Variants in FGF12 observed in about 807,000 individuals in gnomAD.
FGF12 encodes the protein fibroblast growth factor 12, also known as fibroblast growth factor 12B.
In FGF12, 14 loss-of-function variants were observed where a neutral mutation model predicts 23.6. That is an observed-to-expected ratio of 0.59 (90% confidence interval 0.39 to 0.93). The LOEUF is 0.93. Ranked by LOEUF, FGF12 falls within the 40% of genes least tolerant of loss-of-function variation. FGF12 has a pLI of 0.00. For missense variants in FGF12, 175 were observed against 217.8 expected (o/e 0.80, Z 1.24); for synonymous variants, 62 against 77.3 (o/e 0.80, Z 1.04).
At chr3:192,672,643 G>A (rs1385040662) in intron 2 of FGF12, among the ~76,000 whole-genome samples, 2 of 151,090 alleles carry the variant, frequency 1.3e-5, no homozygotes, top group Admixed American at 6.6e-5. Context: ...GAGCACAAGA[G>A]TAGACTGTGT....
chr3:192,591,236 T>A (rs911439524), intron 2 of FGF12, among the ~76,000 whole-genome samples: 1 of 150,938 alleles, frequency 6.6e-6, no homozygotes, highest in Non-Finnish European at 1.5e-5. Flanking sequence ...TCTACTTGAG[T>A]GCTCCTGGGG....
intron 3 of FGF12, among the ~76,000 whole-genome samples, chr3:192,348,955 A>G (rs80334702): frequency 0.024 from 3,722 of 152,228 alleles, 152 homozygotes; most frequent in African/African-American, 0.083. Flanking sequence ...CTATTATCTG[A>G]TATGTCCCCA....
In FGF12 at chr3:192,469,336, T is replaced by TAAGGG. The variant is rs1428948053; in HGVS notation, c.14-108799_14-108798insCCCTT. Among the ~76,000 whole-genome samples, 3 of 152,368 alleles carry TAAGGG rather than the reference T, an allele frequency of 2.0e-5. No homozygotes were observed. In the East Asian group the frequency reaches 5.8e-4, roughly 29 times the overall value. On this transcript the variant is annotated intron_variant, in intron 2 of 5. Coordinates refer to ENST00000445105, the MANE Select transcript of FGF12 (RefSeq NM_004113.6). The stretch of plus-strand genomic sequence containing the variant: ...ATCTAGGAAATAAATGTACATTTGC[T>TAAGGG]AACACCTGCATGTACACACCTGTAT...
chr3:192,199,627 T>C (rs1717257301), intron 4 of FGF12, among the ~76,000 whole-genome samples: 2 of 152,216 alleles, frequency 1.3e-5, no homozygotes, highest in African/African-American at 4.8e-5. Flanking sequence ...TAAAGGATAA[T>C]TATTTGGCCA....
chr3:192,704,190 C>A (rs188896889), intron 2 of FGF12, among the ~76,000 whole-genome samples: 1 of 152,122 alleles, frequency 6.6e-6, no homozygotes, highest in African/African-American at 2.4e-5. Flanking sequence ...AGCAAGTAAG[C>A]CTTATGAAAT....
At chr3:192,362,237 CTCTT>C (rs1422220497) in intron 2 of FGF12, among the ~76,000 whole-genome samples, 1 of 152,034 alleles carries the variant, frequency 6.6e-6, no homozygotes, top group African/African-American at 2.4e-5. Flanking sequence ...AAACAACTCT[CTCTT>C]TTTTTTAAAA....
chr3:192,374,793 A>G (rs774797407), intron 2 of FGF12, among the ~76,000 whole-genome samples: 1 of 152,210 alleles, frequency 6.6e-6, no homozygotes, highest in South Asian at 2.1e-4. Context: ...ATTTGAGCGC[A>G]GGCAGCCTGG....
intron 2 of FGF12, among the ~76,000 whole-genome samples, chr3:192,657,645 T>C (rs965848236): frequency 1.2e-4 from 19 of 152,182 alleles, no homozygotes; most frequent in African/African-American, 4.6e-4. Context: ...TTCGGACTCA[T>C]GTGGTCTTAA....
chr3:192,269,686 G>GAAA (rs1355427808), intron 4 of FGF12, among the ~76,000 whole-genome samples: 6 of 152,180 alleles, frequency 3.9e-5, no homozygotes, highest in Admixed American at 3.9e-4. Context: ...TGCAGTTGCA[G>GAAA]AGTCTACCCA....
chr3:192,331,471 T>C (rs565836901), intron 4 of FGF12, among the ~76,000 whole-genome samples: 1 of 152,156 alleles, frequency 6.6e-6, no homozygotes, highest in East Asian at 1.9e-4. Flanking sequence ...ATAAACAGAA[T>C]GCAGAATGCG....
intron 2 of FGF12, among the ~76,000 whole-genome samples, chr3:192,531,429 A>C (rs887529902): frequency 6.6e-6 from 1 of 152,194 alleles, no homozygotes; most frequent in Non-Finnish European, 1.5e-5. Context: ...AAAAAGAAAA[A>C]AGAAAGAAAG....
Position 192,314,849 on chromosome 3 carries a change from T to C in FGF12, c.228+20512A>G, listed in dbSNP as rs74618098. On this transcript the variant is annotated intron_variant, in intron 4 of 5. Transcript: ENST00000445105. ...ACCCACTGAGTTACATGTAGAATTA[T>C]GTGGAAGGCATGTGTAAGGTGACTG... Among the ~76,000 whole-genome samples, 220 of 152,314 alleles carry C rather than the reference T, an allele frequency of 1.4e-3. 2 individuals are homozygous for C. Among genetic ancestry groups the C allele is most frequent in the African/African-American group, 4.5e-3 (189 of 41,564 alleles).
intron 2 of FGF12, among the ~76,000 whole-genome samples, chr3:192,564,363 C>G (rs112434140): frequency 0.021 from 3,237 of 152,234 alleles, 92 homozygotes; most frequent in African/African-American, 0.069. Flanking sequence ...TGCGCCCTGC[C>G]GACCATGTGT....
At chr3:192,439,803 C>T (rs968030198) in intron 2 of FGF12, among the ~76,000 whole-genome samples, 3 of 151,864 alleles carry the variant, frequency 2.0e-5, no homozygotes, top group Middle Eastern at 3.4e-3. Context: ...GGTGAAACCC[C>T]GTCTCTACTA....
rs202092100 is a variant in FGF12, at chr3:192,360,573, G to A, written c.14-35C>T. ...AAAATAATTATTCAAATTTTTATTT[G>A]GCTTACACAAATGCACACTTACAGA... is the stretch of plus-strand genomic sequence containing the variant. On this transcript the variant is annotated intron_variant, in intron 2 of 5. Transcript: ENST00000445105. The surrounding 1 kb of genome is among the most constrained non-coding windows in gnomAD (Gnocchi z 4.3). The A allele has an allele frequency of 3.4e-5, 50 of 1,458,946 alleles. No homozygotes were observed. In the East Asian group the frequency reaches 6.8e-4, roughly 20 times the overall value. The allele number at this position is 1,458,946 out of a possible 1,614,324, so 90.4% of individuals were successfully genotyped here.
chr3:192,201,946 A>G (rs2293146), intron 4 of FGF12, among the ~76,000 whole-genome samples: 11,039 of 152,278 alleles, frequency 0.072, 565 homozygotes, highest in South Asian at 0.19. Flanking sequence ...ACTAATAGTT[A>G]TTAACAATAC....
chr3:192,682,860 T>C (rs1717583951), intron 2 of FGF12, among the ~76,000 whole-genome samples: 1 of 152,174 alleles, frequency 6.6e-6, no homozygotes, highest in Non-Finnish European at 1.5e-5. Flanking sequence ...AATGACTCAA[T>C]CGGTCATGCC....
At chr3:192,630,107 C>G (rs1188593989) in intron 2 of FGF12, among the ~76,000 whole-genome samples, 2 of 152,054 alleles carry the variant, frequency 1.3e-5, no homozygotes, top group African/African-American at 4.8e-5. Context: ...CTCAAGAAAT[C>G]TGCTTATTTA....
chr3:192,262,882 C>T (rs958426272), intron 4 of FGF12, among the ~76,000 whole-genome samples: 3 of 151,956 alleles, frequency 2.0e-5, no homozygotes, highest in Admixed American at 6.6e-5. Context: ...CATACACACA[C>T]ACACACGCAT....
Sources: allele counts gnomAD v4.1 joint callset (sites outside exome capture counted in the v4.1 genomes callset), GRCh38; gene constraint gnomAD v4.1.1; non-coding constraint Gnocchi (gnomAD v3.1); transcripts MANE v1.5; gene names NCBI Gene and HGNC (gene_info 2026-07-23, HGNC 2026-07-21).